ENTREP2: variants seen among roughly 807,000 people sequenced by gnomAD.
ENTREP2 encodes the protein protein ENTREP2.
the ENTREP2 span, among the ~76,000 whole-genome samples, chr15:29,370,684 ATATAGTGAGTCTGAAGTAACATTTCT>A: frequency 1.3e-5 from 2 of 152,164 alleles, no homozygotes; most frequent in African/African-American, 4.8e-5. Flanking sequence ...AGAAATCCTG[ATATAGTGAGTCTGAAGTAACATTTCT>A]TAAAGTGCCC....
chr15:29,654,988 A>C, the ENTREP2 span, among the ~76,000 whole-genome samples: 2 of 152,174 alleles, frequency 1.3e-5, no homozygotes, highest in Non-Finnish European at 2.9e-5. Flanking sequence ...TGCTGTTTCT[A>C]TCTCTGTTTC....
At chr15:29,271,529 A>G in the ENTREP2 span, among the ~76,000 whole-genome samples, 6,723 of 152,292 alleles carry the variant, frequency 0.044, 498 homozygotes, top group African/African-American at 0.15. Context: ...TAAACCCAGT[A>G]GTTAAAAATC....
At chr15:29,118,285 A>T in the ENTREP2 span, 1 of 152,450 alleles carries the variant, frequency 6.6e-6, no homozygotes, top group African/African-American at 2.4e-5. Flanking sequence ...CTTCGCGCAT[A>T]TCACTAATAA....
the ENTREP2 span, among the ~76,000 whole-genome samples, chr15:29,212,234 T>C: frequency 6.6e-6 from 1 of 152,190 alleles, no homozygotes; most frequent in East Asian, 1.9e-4. Context: ...AATTTATCCG[T>C]CTCTTCTAGG....
the ENTREP2 span, among the ~76,000 whole-genome samples, chr15:29,250,673 G>A: frequency 1.8e-4 from 27 of 152,248 alleles, no homozygotes; most frequent in South Asian, 2.5e-3. Flanking sequence ...ACTGGAAAAT[G>A]AGAGTCTAAG....
At chr15:29,510,239 T>G in the ENTREP2 span, among the ~76,000 whole-genome samples, 1 of 152,092 alleles carries the variant, frequency 6.6e-6, no homozygotes, top group Non-Finnish European at 1.5e-5. Flanking sequence ...CATTAAAAAG[T>G]CAGGAAACAA....
At chr15:29,556,433 C>T in the ENTREP2 span, among the ~76,000 whole-genome samples, 1 of 152,092 alleles carries the variant, frequency 6.6e-6, no homozygotes, top group African/African-American at 2.4e-5. Flanking sequence ...AGTCATTCTT[C>T]ACAAGGAAGG....
At chr15:29,224,203 A>G in the ENTREP2 span, among the ~76,000 whole-genome samples, 1 of 151,956 alleles carries the variant, frequency 6.6e-6, no homozygotes, top group East Asian at 1.9e-4. Flanking sequence ...ACAGCTCTCA[A>G]ATCGGCGCGT....
At chr15:29,563,409 T>C in the ENTREP2 span, among the ~76,000 whole-genome samples, 3 of 152,354 alleles carry the variant, frequency 2.0e-5, no homozygotes, top group South Asian at 4.1e-4. Flanking sequence ...AGAATATCTA[T>C]TTGCTCCCAT....
At chr15:29,660,225 G>A in the ENTREP2 span, among the ~76,000 whole-genome samples, 1 of 152,168 alleles carries the variant, frequency 6.6e-6, no homozygotes, top group Non-Finnish European at 1.5e-5. Flanking sequence ...GTTCAAATGT[G>A]CCCCCTCCAA....
the ENTREP2 span, among the ~76,000 whole-genome samples, chr15:29,309,679 C>T: frequency 6.6e-6 from 1 of 151,404 alleles, no homozygotes; most frequent in Non-Finnish European, 1.5e-5. Context: ...ATCTCAGCTA[C>T]TTGGGAGGCT....
At chr15:29,670,830 G>T in the ENTREP2 span, among the ~76,000 whole-genome samples, 2 of 152,176 alleles carry the variant, frequency 1.3e-5, no homozygotes, top group African/African-American at 4.8e-5. Flanking sequence ...ACATAGATTT[G>T]GTCCTTGTCT....
chr15:29,195,835 CT>C, the ENTREP2 span, among the ~76,000 whole-genome samples: 1 of 152,178 alleles, frequency 6.6e-6, no homozygotes, highest in Admixed American at 6.5e-5. Flanking sequence ...TGTGCCACAT[CT>C]TTTTAAAAAG....
the ENTREP2 span, among the ~76,000 whole-genome samples, chr15:29,547,994 G>A: frequency 3.3e-5 from 5 of 152,158 alleles, no homozygotes; most frequent in African/African-American, 7.2e-5. Flanking sequence ...AATACTGTAT[G>A]ATTCCACTTC....
At chr15:29,516,986 A>AAAAAAAAAAT in the ENTREP2 span, among the ~76,000 whole-genome samples, 1 of 151,588 alleles carries the variant, frequency 6.6e-6, no homozygotes, top group African/African-American at 2.4e-5. Context: ...AAAAAAAAAA[A>AAAAAAAAAAT]ACTACTGGAC....
the ENTREP2 span, among the ~76,000 whole-genome samples, chr15:29,622,794 G>T: frequency 6.6e-6 from 1 of 152,194 alleles, no homozygotes; most frequent in East Asian, 1.9e-4. Context: ...GGCATTCACT[G>T]TTCTCATTAG....
At chr15:29,123,909 C>T in the ENTREP2 span, among the ~76,000 whole-genome samples, 3 of 152,180 alleles carry the variant, frequency 2.0e-5, no homozygotes, top group African/African-American at 7.2e-5. Context: ...CAGGCAGCGA[C>T]CCACTTCTGC....
chr15:29,345,520 C>T, the ENTREP2 span, among the ~76,000 whole-genome samples: 1 of 152,142 alleles, frequency 6.6e-6, no homozygotes, highest in Non-Finnish European at 1.5e-5. Context: ...GCCCCCTGCA[C>T]ACAGGAGAGT....
chr15:29,151,297 AG>A, the ENTREP2 span, among the ~76,000 whole-genome samples: 2 of 152,192 alleles, frequency 1.3e-5, no homozygotes, highest in Admixed American at 1.3e-4. Context: ...AGGGTTCATT[AG>A]CAAATCAAAA....
Sources: gnomAD v4.1 joint callset for allele counts (sites outside exome capture counted in the v4.1 genomes callset) on GRCh38, gnomAD v4.1.1 for gene constraint, MANE v1.5 for transcripts, NCBI Gene and HGNC (gene_info 2026-07-23, HGNC 2026-07-21) for gene names.